SLC16A12: variants seen among roughly 807,000 people sequenced by gnomAD.
SLC16A12 encodes monocarboxylate transporter 12.
A neutral mutation model predicts 42.4 loss-of-function variants in SLC16A12; 17 were observed. That is an observed-to-expected ratio of 0.40 (90% CI 0.27 to 0.60). The LOEUF (loss-of-function observed/expected upper bound fraction) is 0.60, where lower values mean the gene tolerates loss of function less well. Ranked by LOEUF, SLC16A12 falls within the 20% of genes least tolerant of loss-of-function variation. SLC16A12 has a pLI of 0.42. For synonymous variants in SLC16A12, 224 were observed against 229.4 expected, an observed-to-expected ratio of 0.98 and a Z score of 0.21; for missense variants, 544 against 623.0, an observed-to-expected ratio of 0.87 and a Z score of 1.35.
chr10:89,520,335 G>A (rs901037686), intron 2 of SLC16A12, among the ~76,000 whole-genome samples: 5 of 152,080 alleles, frequency 3.3e-5, no homozygotes, highest in African/African-American at 1.2e-4. Context: ...CTCAAAGCAA[G>A]GCAATTTGCA....
chr10:89,555,486 C>CGTATATATACGTATATACGTATATATGT (rs1843804559), intron 2 of SLC16A12, among the ~76,000 whole-genome samples: 2 of 143,958 alleles, frequency 1.4e-5, no homozygotes, highest in African/African-American at 2.6e-5. Context: ...TGTATATATA[C>CGTATATATACGTATATACGTATATATGT]GTATATATAC....
At chr10:89,524,419 C>T (rs1039508875) in intron 2 of SLC16A12, among the ~76,000 whole-genome samples, 23 of 152,304 alleles carry the variant, frequency 1.5e-4, no homozygotes, top group Middle Eastern at 3.4e-3. Context: ...CACACATATT[C>T]CCTACCTGTC....
At chr10:89,530,441 G>A (rs1458144654) in intron 2 of SLC16A12, among the ~76,000 whole-genome samples, 7 of 149,534 alleles carry the variant, frequency 4.7e-5, no homozygotes, top group South Asian at 2.1e-4. Context: ...TTTCTGAGAC[G>A]GAGTCTCGCT....
At chr10:89,443,213 C>A (rs371671279) in intron 4 of SLC16A12, among the ~76,000 whole-genome samples, 7 of 152,186 alleles carry the variant, frequency 4.6e-5, no homozygotes, top group Admixed American at 4.6e-4. Context: ...CCCAATACTT[C>A]TCTAAGCATG....
At chr10:89,506,519 A>AAAT (rs1843063753) in intron 2 of SLC16A12, among the ~76,000 whole-genome samples, 1 of 152,182 alleles carries the variant, frequency 6.6e-6, no homozygotes, top group African/African-American at 2.4e-5. Flanking sequence ...ACAGAAAGGA[A>AAAT]TAGCATCAAC....
At chr10:89,502,389 G>T (rs1159574256) in intron 2 of SLC16A12, among the ~76,000 whole-genome samples, 5 of 152,074 alleles carry the variant, frequency 3.3e-5, no homozygotes, top group African/African-American at 4.8e-5. Flanking sequence ...GGCAGAGGTT[G>T]CAGTGAGCCA....
At chr10:89,530,118 T>C (rs151297594) in intron 2 of SLC16A12, among the ~76,000 whole-genome samples, 67 of 152,326 alleles carry the variant, frequency 4.4e-4, no homozygotes, top group African/African-American at 1.5e-3. Context: ...TGATTGGAGT[T>C]CTATGTTATT....
rs757848280 is a variant in SLC16A12, at chr10:89,443,840, C to A, written c.220G>T (p.Val74Leu). Residue 74 changes from valine (V) to leucine (L), a missense_variant, in exon 4 of 8, where the codon GTG becomes TTG. Physicochemically the swap from Val to Leu is conservative, Grantham distance 32 (BLOSUM62 1). Transcript: ENST00000371790. ...AVTRCISIFF[V>L]EFQTYFTQDY... is the part of the protein sequence containing the mutation. ...TGAGTGAAGTATGTCTGGAACTCCACAAAAAAAATTGAGATACATCTGAAA... is the reference window on the plus strand; with the variant it reads ...TGAGTGAAGTATGTCTGGAACTCCAAAAAAAAAATTGAGATACATCTGAAA... 2 of 1,610,946 alleles carry A rather than the reference C, an allele frequency of 1.2e-6. No individual in the cohort carries two copies. Among genetic ancestry groups the A allele is most frequent in the Admixed American group, 1.7e-5 (1 of 59,970 alleles).
chr10:89,444,955 C>T (rs948719305), intron 3 of SLC16A12, among the ~76,000 whole-genome samples: 1 of 152,264 alleles, frequency 6.6e-6, no homozygotes, highest in Non-Finnish European at 1.5e-5. Flanking sequence ...TATCCTGTGC[C>T]TAGCTCAGCA....
intron 2 of SLC16A12, among the ~76,000 whole-genome samples, chr10:89,543,080 T>C (rs1843725046): frequency 6.6e-6 from 1 of 152,252 alleles, no homozygotes; most frequent in Admixed American, 6.5e-5. Context: ...CTTCTAGTGA[T>C]ATCTGTAACT....
At position 89,462,371 on chromosome 10, in the gene SLC16A12, C is replaced by A. The variant is rs750484978; in HGVS notation, c.200+8G>T. The stretch of plus-strand genomic sequence containing the variant: ...ATCTTAATAAGTTAAGAAGAAAATC[C>A]TACCTACCTTGTGACTGCCCGTGTG... On this transcript the variant is annotated splice_region_variant and intron_variant, in intron 3 of 7. Coordinates refer to ENST00000371790, the MANE Select transcript of SLC16A12 (RefSeq NM_213606.4). 1 of 1,613,816 alleles carries A rather than the reference C, an allele frequency of 6.2e-7. No homozygotes were observed. Among genetic ancestry groups the A allele is most frequent in the Non-Finnish European group, 8.5e-7 (1 of 1,179,916 alleles).
intron 2 of SLC16A12, among the ~76,000 whole-genome samples, chr10:89,521,608 C>T (rs1054630418): frequency 2.0e-5 from 3 of 152,176 alleles, no homozygotes; most frequent in African/African-American, 7.2e-5. Flanking sequence ...CATGTCATAA[C>T]AAAGCTCCAC....
intron 2 of SLC16A12, among the ~76,000 whole-genome samples, chr10:89,534,167 T>G (rs1843607630): frequency 6.6e-6 from 1 of 152,188 alleles, no homozygotes; most frequent in South Asian, 2.1e-4. Context: ...CCACTACTCT[T>G]TTACATCCTT....
chr10:89,499,187 C>T (rs1842962161), intron 2 of SLC16A12, among the ~76,000 whole-genome samples: 1 of 152,056 alleles, frequency 6.6e-6, no homozygotes, highest in Non-Finnish European at 1.5e-5. Flanking sequence ...ATCAGGGAGG[C>T]ACCAGAGAAA....
chr10:89,467,408 G>A (rs1236122470), intron 2 of SLC16A12, among the ~76,000 whole-genome samples: 2 of 152,018 alleles, frequency 1.3e-5, no homozygotes, highest in African/African-American at 4.8e-5. Context: ...GCCACTATAG[G>A]CAAAAAATAA....
intron 2 of SLC16A12, among the ~76,000 whole-genome samples, chr10:89,518,655 T>C (rs577549135): frequency 1.8e-4 from 27 of 152,300 alleles, no homozygotes; most frequent in Admixed American, 5.2e-4. Context: ...AAGATTAGGA[T>C]TGAAATCTAG....
chr10:89,525,378 G>A (rs17123104), intron 2 of SLC16A12, among the ~76,000 whole-genome samples: 21,164 of 152,148 alleles, frequency 0.14, 1,563 homozygotes, highest in South Asian at 0.25. Context: ...ATCAGTTACT[G>A]AGCAAAACTT....
chr10:89,436,868 A>AAAAAGAAAG (rs1554884214), intron 6 of SLC16A12, among the ~76,000 whole-genome samples: 6 of 120,428 alleles, frequency 5.0e-5, no homozygotes, highest in Non-Finnish European at 6.9e-5. Context: ...GAAATAAAGA[A>AAAAAGAAAG]AAAGAAAGAA....
At chr10:89,501,810 A>G (rs1842994205) in intron 2 of SLC16A12, among the ~76,000 whole-genome samples, 1 of 152,118 alleles carries the variant, frequency 6.6e-6, no homozygotes, top group Non-Finnish European at 1.5e-5. Context: ...ATTTATCACT[A>G]TTTGAAGTTG....
Sources: gnomAD v4.1 joint callset for allele counts (sites outside exome capture counted in the v4.1 genomes callset) on GRCh38, gnomAD v4.1.1 for gene constraint, MANE v1.5 for transcripts, NCBI Gene and HGNC (gene_info 2026-07-23, HGNC 2026-07-21) for gene names.